TTC34: variants seen among roughly 807,000 people sequenced by gnomAD.
TTC34 encodes the protein tetratricopeptide repeat domain 34, also known as tetratricopeptide repeat protein 34.
Under a neutral mutation model 40.7 loss-of-function variants are expected in TTC34, and 44 were observed. That is an observed-to-expected ratio of 1.08 (90% CI 0.85 to 1.39). The LOEUF is 1.39. Among genes scored for constraint, TTC34 ranks in the 40% most tolerant of loss-of-function variants. The probability of loss-of-function intolerance (pLI) is 0.00; values close to 1 mark genes in which losing one functional copy is unlikely to be tolerated. For synonymous variants in TTC34, 422 were observed against 398.6 expected (o/e 1.06, Z -0.70); for missense variants, 884 against 838.0 (o/e 1.05, Z -0.68).
intron 6 of TTC34, among the ~76,000 whole-genome samples, chr1:2,777,045 A>C (rs1376838081): frequency 2.3e-4 from 1 of 4,262 alleles, no homozygotes; most frequent in African/African-American, 1.1e-3. Context: ...AGCAGCACCC[A>C]CACCCCCAGG....
rs571517318 is a variant in TTC34 at position 2,684,719 on chromosome 1, C to A, written c.2227-39156G>T. Reference sequence around the variant, plus strand: ...ACAGCCTGGAACGGCAACCACACCCCCAGGCGAGCATCCGACAGCCTGGAA... The same window carrying A: ...ACAGCCTGGAACGGCAACCACACCCACAGGCGAGCATCCGACAGCCTGGAA... On this transcript the variant is annotated intron_variant, in intron 6 of 8. Transcript: ENST00000401095. 2.0e-3 allele frequency among the ~76,000 whole-genome samples: 258 copies of A among 128,702 alleles called. 4 individuals carry two copies. Among genetic ancestry groups the A allele is most frequent in the Non-Finnish European group, 2.4e-3 (146 of 61,756 alleles). 84.4% of individuals were successfully genotyped at this position (128,702 alleles called of 152,430 possible).
intron 2 of TTC34, among the ~76,000 whole-genome samples, chr1:2,799,539 A>ATC (rs1643750826): frequency 1.3e-5 from 2 of 151,822 alleles, no homozygotes; most frequent in African/African-American, 4.8e-5. Flanking sequence ...ATGAAACTCC[A>ATC]TCTCAAAAAA....
At chr1:2,688,030 T>C (rs1305277402) in intron 6 of TTC34, among the ~76,000 whole-genome samples, 147 of 135,396 alleles carry the variant, frequency 1.1e-3, no homozygotes, top group African/African-American at 4.4e-3. Flanking sequence ...TCTGACTGCA[T>C]GTAACAGCAC....
At chr1:2,653,108 C>T (rs373550866) in intron 6 of TTC34, among the ~76,000 whole-genome samples, 3,393 of 151,524 alleles carry the variant, frequency 0.022, no homozygotes, top group African/African-American at 0.079. Flanking sequence ...CATCCGACAG[C>T]CTGGAGCAGC....
chr1:2,772,900 C>T (rs1337738279), intron 6 of TTC34, among the ~76,000 whole-genome samples: 2 of 123,518 alleles, frequency 1.6e-5, no homozygotes, highest in African/African-American at 2.9e-5. Flanking sequence ...CCCCACACCC[C>T]CAGGTGAGCA....
At chr1:2,751,444 G>A (rs1265684969) in intron 6 of TTC34, among the ~76,000 whole-genome samples, 2 of 22,128 alleles carry the variant, frequency 9.0e-5, no homozygotes, top group Non-Finnish European at 1.8e-4. Flanking sequence ...ACAGAGCCCA[G>A]ACCCCCAGGT....
intron 6 of TTC34, among the ~76,000 whole-genome samples, chr1:2,691,115 C>G (rs1369330021): frequency 1.4e-5 from 1 of 73,648 alleles, no homozygotes; most frequent in Non-Finnish European, 3.2e-5. Flanking sequence ...AGGTGAGCAT[C>G]TGACAGCCTG....
intron 6 of TTC34, among the ~76,000 whole-genome samples, chr1:2,688,382 A>C (rs1640470110): frequency 4.6e-5 from 7 of 151,844 alleles, no homozygotes; most frequent in East Asian, 3.9e-4. Flanking sequence ...CCAGGTGAGC[A>C]TCTGACAGCC....
chr1:2,783,325 T>A (rs980951936), intron 6 of TTC34, among the ~76,000 whole-genome samples: 1 of 152,158 alleles, frequency 6.6e-6, no homozygotes, highest in Non-Finnish European at 1.5e-5. Context: ...GCACTGAGCA[T>A]TATCTAAGCT....
intron 6 of TTC34, among the ~76,000 whole-genome samples, chr1:2,691,003 C>T (rs541281996): frequency 1.2e-5 from 1 of 81,884 alleles, no homozygotes; most frequent in Non-Finnish European, 3.0e-5. Flanking sequence ...ATCCGGCAGC[C>T]TGGAGCGGAA....
chr1:2,699,248 T>G (rs112107540), intron 6 of TTC34, among the ~76,000 whole-genome samples: 2 of 43,386 alleles, frequency 4.6e-5, no homozygotes, highest in South Asian at 8.5e-4. Context: ...GCAGCACCCA[T>G]ACCCCAAGGC....
chr1:2,749,447 C>T (rs1413062837), intron 6 of TTC34, among the ~76,000 whole-genome samples: 171 of 104,220 alleles, frequency 1.6e-3, no homozygotes, highest in South Asian at 3.3e-3. Flanking sequence ...CCGACACCCC[C>T]AGGTGAGCAT....
chr1:2,774,050 A>G (rs1642803083), intron 6 of TTC34: 2 of 149,162 alleles, frequency 1.3e-5, no homozygotes. Context: ...AGCATGGAAC[A>G]AGACTACTGC....
At chr1:2,794,615 AT>A (rs1363843930) in intron 2 of TTC34, among the ~76,000 whole-genome samples, 3 of 152,106 alleles carry the variant, frequency 2.0e-5, no homozygotes, top group Non-Finnish European at 2.9e-5. Context: ...ACCTTATTGC[AT>A]TGGCTAGGAT....
intron 2 of TTC34, among the ~76,000 whole-genome samples, chr1:2,790,581 C>T (rs967483324): frequency 5.9e-5 from 9 of 152,220 alleles, no homozygotes; most frequent in Non-Finnish European, 1.0e-4. Context: ...GCTGGGCAAG[C>T]GGCGAGGGGG....
intron 6 of TTC34, among the ~76,000 whole-genome samples, chr1:2,749,662 C>A (rs1169442479): frequency 9.7e-6 from 1 of 103,522 alleles, no homozygotes; most frequent in Admixed American, 9.7e-5. Context: ...GAGCATCCGA[C>A]AGCCTGGAGC....
intron 6 of TTC34, among the ~76,000 whole-genome samples, chr1:2,687,058 C>A (rs1359741048): frequency 7.4e-6 from 1 of 135,274 alleles, no homozygotes; most frequent in African/African-American, 3.0e-5. Context: ...AGGCGTGCAT[C>A]CGACAGCCTG....
chr1:2,697,564 A>T (rs7551642), intron 6 of TTC34, among the ~76,000 whole-genome samples: 467 of 151,496 alleles, frequency 3.1e-3, no homozygotes, highest in African/African-American at 0.011. Context: ...CCGCACCCAC[A>T]CCCCCAGGTG....
chr1:2,651,709 C>T (rs1639139142), intron 6 of TTC34, among the ~76,000 whole-genome samples: 1 of 149,858 alleles, frequency 6.7e-6, no homozygotes, highest in Non-Finnish European at 1.5e-5. Context: ...CCCTACAGCA[C>T]CACCCCTCTC....
Sources: gnomAD v4.1 joint callset for allele counts (sites outside exome capture counted in the v4.1 genomes callset) on GRCh38, gnomAD v4.1.1 for gene constraint, MANE v1.5 for transcripts, NCBI Gene and HGNC (gene_info 2026-07-23, HGNC 2026-07-21) for gene names.